Variants in PTPRD observed in about 807,000 individuals in gnomAD.
PTPRD encodes receptor-type tyrosine-protein phosphatase delta.
Under a neutral mutation model 214.5 loss-of-function variants are expected in PTPRD, and 34 were observed. That is an observed-to-expected ratio of 0.16 (90% CI 0.12 to 0.21). The LOEUF (loss-of-function observed/expected upper bound fraction) is 0.21. Among genes scored for constraint, PTPRD ranks in the 10% least tolerant of loss-of-function variants. The pLI is 1.00. For synonymous variants in PTPRD, 1,128 were observed against 845.7 expected, an observed-to-expected ratio of 1.33 and a Z score of -5.79; for missense variants, 2,545 against 2,398.7, an observed-to-expected ratio of 1.06 and a Z score of -1.27.
intron 2 of PTPRD, among the ~76,000 whole-genome samples, chr9:10,454,476 G>A (rs774541407): frequency 1.3e-5 from 2 of 151,764 alleles, no homozygotes; most frequent in South Asian, 4.1e-4. Flanking sequence ...TCTGTAGCAA[G>A]ACATACTGTT....
chr9:9,053,235 G>A (rs2099689800), intron 10 of PTPRD, among the ~76,000 whole-genome samples: 1 of 152,130 alleles, frequency 6.6e-6, no homozygotes, highest in Admixed American at 6.6e-5. Flanking sequence ...TATGGGATCT[G>A]TTCACAGAGG....
chr9:9,211,026 C>T (rs1033396140), intron 9 of PTPRD, among the ~76,000 whole-genome samples: 7 of 151,848 alleles, frequency 4.6e-5, no homozygotes, highest in African/African-American at 1.5e-4. Flanking sequence ...ATAATGTTTG[C>T]TTAAAGAGCA....
intron 3 of PTPRD, among the ~76,000 whole-genome samples, chr9:10,074,516 G>A (rs1250776543): frequency 2.0e-5 from 3 of 152,114 alleles, no homozygotes; most frequent in African/African-American, 7.2e-5. Flanking sequence ...GAGAACATTA[G>A]AGGATCTGAT....
At chr9:10,316,430 T>A (rs1343389740) in intron 3 of PTPRD, among the ~76,000 whole-genome samples, 1 of 151,716 alleles carries the variant, frequency 6.6e-6, no homozygotes, top group Non-Finnish European at 1.5e-5. Flanking sequence ...CTCAGAATAG[T>A]CCTTGCATGA....
intron 9 of PTPRD, among the ~76,000 whole-genome samples, chr9:9,365,208 T>A (rs1468233916): frequency 6.6e-6 from 1 of 151,534 alleles, no homozygotes; most frequent in Non-Finnish European, 1.5e-5. Flanking sequence ...TACAGGGAAG[T>A]TGCCACTTAG....
intron 11 of PTPRD, among the ~76,000 whole-genome samples, chr9:8,778,326 A>G (rs2095562155): frequency 6.6e-6 from 1 of 152,174 alleles, no homozygotes; most frequent in African/African-American, 2.4e-5. Context: ...TTGAGACACC[A>G]AAGTTCCTTT....
intron 3 of PTPRD, among the ~76,000 whole-genome samples, chr9:10,194,973 T>C (rs1313590551): frequency 6.6e-6 from 1 of 150,584 alleles, no homozygotes. Context: ...CAGAGTCTTG[T>C]TCAGGCTGGA....
chr9:10,388,848 A>T (rs956196154), intron 2 of PTPRD, among the ~76,000 whole-genome samples: 3 of 151,912 alleles, frequency 2.0e-5, no homozygotes. Context: ...TAGCAGAGAG[A>T]CTAGAATTTA....
chr9:9,982,460 T>G (rs1055409931), intron 4 of PTPRD, among the ~76,000 whole-genome samples: 4 of 63,288 alleles, frequency 6.3e-5, no homozygotes, highest in Non-Finnish European at 1.1e-4. Context: ...CATATATTGT[T>G]GTTGTGGTGG....
chr9:8,501,575 T>C (rs2097408408), intron 23 of PTPRD, among the ~76,000 whole-genome samples: 1 of 152,216 alleles, frequency 6.6e-6, no homozygotes, highest in Admixed American at 6.5e-5. Flanking sequence ...CAATAACTGC[T>C]AATGCCCTTC....
chr9:10,180,887 T>G (rs1299202472), intron 3 of PTPRD, among the ~76,000 whole-genome samples: 2 of 151,718 alleles, frequency 1.3e-5, no homozygotes, highest in Admixed American at 1.3e-4. Flanking sequence ...GAAAAGAAAA[T>G]CAGAAAATTG....
intron 8 of PTPRD, among the ~76,000 whole-genome samples, chr9:9,416,720 T>G (rs2077100113): frequency 6.6e-6 from 1 of 152,168 alleles, no homozygotes; most frequent in African/African-American, 2.4e-5. Context: ...TCATTCAATC[T>G]ATTGTTGTTC....
At chr9:10,125,406 T>G (rs192804861) in intron 3 of PTPRD, among the ~76,000 whole-genome samples, 1 of 147,000 alleles carries the variant, frequency 6.8e-6, no homozygotes, top group African/African-American at 2.5e-5. Flanking sequence ...TTTTTATTTT[T>G]ATTTATTTTG....
chr9:9,734,464 C>G lies in PTPRD; in HGVS notation c.-287+69G>C, dbSNP rs558017918. Reference sequence around the variant, plus strand: ...CCTGACACAGAAATAAAAACATACTCCAAGGAATAGTGACAAACAAAATAA... The same window carrying G: ...CCTGACACAGAAATAAAAACATACTGCAAGGAATAGTGACAAACAAAATAA... On this transcript the variant is annotated intron_variant, in intron 7 of 45. Transcript: ENST00000381196. 9 of 151,608 alleles carry G rather than the reference C, an allele frequency of 5.9e-5. No individual in the cohort carries two copies. The South Asian group carries it at 1.9e-3, about 32-fold the overall frequency. The allele number at this position is 151,608 out of a possible 1,614,324, so 9.4% of individuals were successfully genotyped here.
At chr9:8,743,114 A>AGGGG (rs144763567) in intron 11 of PTPRD, among the ~76,000 whole-genome samples, 1 of 132,018 alleles carries the variant, frequency 7.6e-6, no homozygotes, top group South Asian at 2.6e-4. Flanking sequence ...TAAAAAAAAA[A>AGGGG]GGGGGGGGGG....
chr9:8,900,393 C>G (rs116161232), intron 11 of PTPRD, among the ~76,000 whole-genome samples: 1 of 152,102 alleles, frequency 6.6e-6, no homozygotes, highest in Non-Finnish European at 1.5e-5. Context: ...GTTTTAATTG[C>G]TCATCTAAAA....
rs58328012 is a variant in PTPRD at position 10,376,454 on chromosome 9, G to A, written c.-599-35437C>T. Among the ~76,000 whole-genome samples, 1,202 of 151,548 alleles carry A rather than the reference G, an allele frequency of 7.9e-3. 9 individuals carry two copies. Among genetic ancestry groups the A allele is most frequent in the African/African-American group, 0.027 (1,117 of 41,360 alleles). On this transcript the variant is annotated intron_variant, in intron 2 of 45. Coordinates refer to ENST00000381196, the MANE Select transcript of PTPRD (RefSeq NM_002839.4). ...GATATTCTGCTTGCCTTCTAGAGGG[G>A]CCTCAAAATTCATTCTAAATTTGTA...
At chr9:10,279,708 GAAAA>G (rs34503009) in intron 3 of PTPRD, among the ~76,000 whole-genome samples, 1 of 131,110 alleles carries the variant, frequency 7.6e-6, no homozygotes, top group Admixed American at 7.4e-5. Flanking sequence ...GTGCAAAACA[GAAAA>G]AAAAAAAAAA....
intron 4 of PTPRD, among the ~76,000 whole-genome samples, chr9:9,991,405 A>C (rs2154079337): frequency 6.6e-6 from 1 of 151,454 alleles, no homozygotes; most frequent in East Asian, 2.0e-4. Context: ...CTTGTTGCCC[A>C]GGCTGGAGTG....
Sources: allele counts gnomAD v4.1 joint callset (sites outside exome capture counted in the v4.1 genomes callset), GRCh38; gene constraint gnomAD v4.1.1; transcripts MANE v1.5; gene names NCBI Gene and HGNC (gene_info 2026-07-23, HGNC 2026-07-21).